The following DAB1 variants were observed in gnomAD, a reference collection of about 807,000 sequenced individuals.
DAB1 encodes the protein disabled homolog 1.
A neutral mutation model predicts 64.6 loss-of-function variants in DAB1; 15 were observed. The observed-to-expected ratio is 0.23, with a 90% CI of 0.16 to 0.36. The LOEUF (loss-of-function observed/expected upper bound fraction) is 0.36, where lower values mean the gene tolerates loss of function less well. DAB1 is among the 10% of genes least tolerant of loss of function. The pLI is 1.00. For synonymous variants in DAB1, 235 were observed against 251.9 expected (o/e 0.93, Z 0.64); for missense variants, 596 against 706.7 (o/e 0.84, Z 1.78).
At chr1:57,653,630 T>G (rs2101658344) in intron 6 of DAB1, among the ~76,000 whole-genome samples, 1 of 152,258 alleles carries the variant, frequency 6.6e-6, no homozygotes, top group South Asian at 2.1e-4. Context: ...ATTTTTTTTT[T>G]GAGATGGAGT....
chr1:57,715,743 C>T (rs570623887), intron 6 of DAB1, among the ~76,000 whole-genome samples: 1 of 152,010 alleles, frequency 6.6e-6, no homozygotes, highest in East Asian at 1.9e-4. Flanking sequence ...AAAAAAGAAT[C>T]CCTACAATTA....
chr1:57,841,418 G>A (rs1260017395), intron 1 of DAB1, among the ~76,000 whole-genome samples: 1 of 152,200 alleles, frequency 6.6e-6, no homozygotes, highest in Non-Finnish European at 1.5e-5. Context: ...GTGCCCCAGT[G>A]AGGACTCTGT....
At chr1:57,323,631 C>A (rs1391771523) in intron 1 of DAB1, among the ~76,000 whole-genome samples, 1 of 152,114 alleles carries the variant, frequency 6.6e-6, no homozygotes, top group Admixed American at 6.6e-5. Context: ...TCAAACTCAG[C>A]TATGTTGTAT....
At chr1:57,446,834 G>GA (rs2101144781) in intron 7 of DAB1, among the ~76,000 whole-genome samples, 1 of 152,228 alleles carries the variant, frequency 6.6e-6, no homozygotes, top group African/African-American at 2.4e-5. Flanking sequence ...TCTTGGGGAT[G>GA]AAAAAATGCA....
chr1:57,433,883 G>A (rs1685600487), intron 7 of DAB1, among the ~76,000 whole-genome samples: 1 of 151,354 alleles, frequency 6.6e-6, no homozygotes, highest in African/African-American at 2.4e-5. Context: ...CTATAAGTAG[G>A]TACATGAAGA....
At chr1:58,298,496 G>A (rs1253983863) in intron 4 of DAB1, among the ~76,000 whole-genome samples, 1 of 152,194 alleles carries the variant, frequency 6.6e-6, no homozygotes, top group African/African-American at 2.4e-5. Context: ...GTAGCCCAAG[G>A]CTTTCTGCAG....
chr1:58,466,612 C>A (rs1175489056), intron 3 of DAB1, among the ~76,000 whole-genome samples: 1 of 152,148 alleles, frequency 6.6e-6, no homozygotes, highest in African/African-American at 2.4e-5. Context: ...CATCTTCAGG[C>A]CTCAGAGAGG....
chr1:57,292,536 C>T (rs1672857954), intron 1 of DAB1, among the ~76,000 whole-genome samples: 1 of 152,148 alleles, frequency 6.6e-6, no homozygotes, highest in African/African-American at 2.4e-5. Context: ...TTGTCACCAG[C>T]ACCCACACCC....
At chr1:57,602,805 C>T (rs1645590138) in intron 7 of DAB1, among the ~76,000 whole-genome samples, 2 of 152,028 alleles carry the variant, frequency 1.3e-5, no homozygotes, top group Admixed American at 1.3e-4. Context: ...GGAGTGGGGT[C>T]TGGGTCAGCC....
chr1:57,329,478 G>T (rs166514), intron 1 of DAB1, among the ~76,000 whole-genome samples: 72,443 of 151,760 alleles, frequency 0.48, 18,189 homozygotes, highest in Non-Finnish European at 0.56. Context: ...TGCCTTTCCG[G>T]TTTTTTTGCA....
chr1:58,534,256 G>T, intron 1 of DAB1: 1 of 871,466 alleles, frequency 1.1e-6, no homozygotes, highest in Admixed American at 1.7e-5. Context: ...TCAATTAGAT[G>T]ACAAAGCACT....
chr1:58,203,672 G>A (rs1452895158), intron 4 of DAB1, among the ~76,000 whole-genome samples: 1 of 152,126 alleles, frequency 6.6e-6, no homozygotes, highest in African/African-American at 2.4e-5. Flanking sequence ...AAGTTTTCTG[G>A]TGGTGCTGAT....
intron 4 of DAB1, among the ~76,000 whole-genome samples, chr1:58,300,610 A>AGAG (rs1662117104): frequency 8.5e-5 from 4 of 47,060 alleles, no homozygotes; most frequent in Non-Finnish European, 9.5e-5. Flanking sequence ...GAAAGAAAGA[A>AGAG]AGAGAGAGAG....
intron 3 of DAB1, among the ~76,000 whole-genome samples, chr1:58,491,456 A>G (rs1394256357): frequency 2.6e-5 from 4 of 152,198 alleles, no homozygotes; most frequent in Non-Finnish European, 5.9e-5. Flanking sequence ...TCCAATCAAA[A>G]GACACAGACT....
intron 6 of DAB1, among the ~76,000 whole-genome samples, chr1:57,790,022 C>G (rs909927068): frequency 6.6e-6 from 1 of 152,116 alleles, no homozygotes; most frequent in Admixed American, 6.6e-5. Context: ...GAGGCACCAA[C>G]GGACCATAAG....
At chr1:58,156,640 C>CT (rs1178977373) in intron 4 of DAB1, among the ~76,000 whole-genome samples, 16 of 152,046 alleles carry the variant, frequency 1.1e-4, no homozygotes, top group Non-Finnish European at 1.5e-4. Context: ...GTCAAGGAAG[C>CT]TTTTTTGTGT....
intron 7 of DAB1, among the ~76,000 whole-genome samples, chr1:57,442,440 A>G (rs1203494818): frequency 6.6e-6 from 1 of 152,232 alleles, no homozygotes; most frequent in African/African-American, 2.4e-5. Flanking sequence ...CACTGCTGAC[A>G]ATCCTGGTAT....
chr1:57,030,575 A>T (rs1450255929), intron 9 of DAB1, among the ~76,000 whole-genome samples: 1 of 152,220 alleles, frequency 6.6e-6, no homozygotes, highest in African/African-American at 2.4e-5. Flanking sequence ...AGTGTGGTGG[A>T]CAAGGGCAAG....
intron 4 of DAB1, among the ~76,000 whole-genome samples, chr1:58,177,214 C>G (rs1194091190): frequency 6.6e-6 from 1 of 152,152 alleles, no homozygotes; most frequent in African/African-American, 2.4e-5. Context: ...GAACCGAGGT[C>G]AGCACTCTAC....
Sources: allele counts gnomAD v4.1 joint callset (sites outside exome capture counted in the v4.1 genomes callset), GRCh38; gene constraint gnomAD v4.1.1; transcripts MANE v1.5; gene names NCBI Gene and HGNC (gene_info 2026-07-23, HGNC 2026-07-21).